Variants in DLGAP4 observed in about 807,000 individuals in gnomAD.
The protein encoded by DLGAP4 is DLG associated protein 4, also known as disks large-associated protein 4.
Under a neutral mutation model 86.9 loss-of-function variants are expected in DLGAP4, and 18 were observed. That is an observed-to-expected ratio of 0.21 (90% CI 0.14 to 0.31). DLGAP4 has a LOEUF of 0.31. DLGAP4 is among the 10% of genes least tolerant of loss of function. DLGAP4 has a pLI of 1.00. For synonymous variants in DLGAP4, 548 were observed against 574.3 expected, an observed-to-expected ratio of 0.95 and a Z score of 0.65; for missense variants, 1,085 against 1,362.6, an observed-to-expected ratio of 0.80 and a Z score of 3.21.
rs80050328 is a variant in DLGAP4 at position 36,449,734 on chromosome 20, C to A, written c.1648+2797C>A. Among the ~76,000 whole-genome samples, 624 of 152,314 alleles carry A rather than the reference C, an allele frequency of 4.1e-3. 7 individuals are homozygous for A. The highest frequency in any genetic ancestry group is 0.014 in the African/African-American group (573 of 41,570). On this transcript the variant is annotated intron_variant, in intron 7 of 12. Transcript: ENST00000339266. ...AACCATCCCTCACCAGTTTTTCCAACCCCAGTCACTCATGAATGGACTAAA... is the reference window on the plus strand; with the variant it reads ...AACCATCCCTCACCAGTTTTTCCAAACCCAGTCACTCATGAATGGACTAAA...
chr20:36,324,072 T>G (rs1600398485), intron 1 of DLGAP4, among the ~76,000 whole-genome samples: 1 of 152,242 alleles, frequency 6.6e-6, no homozygotes, highest in East Asian at 1.9e-4. Context: ...TGGTGTCATA[T>G]CTAAGAAACA....
intron 5 of DLGAP4, among the ~76,000 whole-genome samples, chr20:36,440,610 G>A (rs1360356308): frequency 6.6e-6 from 1 of 152,140 alleles, no homozygotes; most frequent in Non-Finnish European, 1.5e-5. Context: ...TCAGAGAGGT[G>A]AAGTCATCAT....
intron 2 of DLGAP4, among the ~76,000 whole-genome samples, chr20:36,396,464 CA>C: frequency 7.3e-6 from 1 of 137,052 alleles, no homozygotes; most frequent in Admixed American, 8.1e-5. Flanking sequence ...CATGCACACA[CA>C]CACATACACA....
chr20:36,407,841 G>T (rs2032370026), intron 2 of DLGAP4, among the ~76,000 whole-genome samples: 1 of 152,116 alleles, frequency 6.6e-6, no homozygotes, highest in African/African-American at 2.4e-5. Flanking sequence ...GCAGAAGTAG[G>T]CAGGGGCAGG....
chr20:36,495,183 C>T (rs2035837227), intron 7 of DLGAP4, among the ~76,000 whole-genome samples: 1 of 151,932 alleles, frequency 6.6e-6, no homozygotes, highest in South Asian at 2.1e-4. Context: ...TAAGAAAATG[C>T]CAATGTATTT....
chr20:36,417,072 C>A (rs2032675979), intron 2 of DLGAP4, among the ~76,000 whole-genome samples: 1 of 152,168 alleles, frequency 6.6e-6, no homozygotes, highest in Non-Finnish European at 1.5e-5. Context: ...AGGAGCCAAG[C>A]AGGATAATCA....
chr20:36,500,372 T>C lies in DLGAP4; in HGVS notation c.2273T>C (p.Ile758Thr). Residue 758 changes from isoleucine to threonine, a missense_variant, in exon 10 of 13, where the codon ATC becomes ACC. By Grantham distance (89) the Ile-to-Thr change is moderately conservative. Around this residue, in one of 2 missense-constraint regions of DLGAP4, gnomAD observed 1,082 missense variants for 1,344.1 expected, o/e 0.81. Coordinates refer to ENST00000339266, the MANE Select transcript of DLGAP4 (RefSeq NM_001365621.2). The surrounding 1 kb of genome is among the most constrained non-coding windows in gnomAD (Gnocchi z 4.6). ...GPRQAPKIAQ[I>T]KRNLSYGDNS... ...CGGCAGGCCCCCAAGATTGCCCAGATCAAGCGCAACCTCTCCTATGGAGAC... is the reference window on the plus strand; with the variant it reads ...CGGCAGGCCCCCAAGATTGCCCAGACCAAGCGCAACCTCTCCTATGGAGAC... 1 of 1,610,702 alleles carries C rather than the reference T, an allele frequency of 6.2e-7. No homozygotes were observed. Among genetic ancestry groups the C allele is most frequent in the Non-Finnish European group, 8.5e-7 (1 of 1,178,322 alleles).
At position 36,527,154 on chromosome 20, in the gene DLGAP4, C is replaced by G. The variant is rs2037822396; in HGVS notation, c.*123C>G. The G allele has an allele frequency of 2.8e-6, 3 of 1,057,452 alleles. No homozygotes were observed. The East Asian group carries it at 8.1e-5, about 28-fold the overall frequency. The allele number at this position is 1,057,452 out of a possible 1,614,324, so 65.5% of individuals were successfully genotyped here. A position where few individuals can be genotyped will look rare whatever the true frequency, so the allele number is the denominator to read the frequency against. The stretch of plus-strand genomic sequence containing the variant: ...TGTCTAGAGACCCTGAGCCAACTTT[C>G]AAATTGACGCATACAAGGGCTCACA... On this transcript the variant is annotated 3_prime_UTR_variant, in exon 13 of 13. Transcript: ENST00000339266.
chr20:36,366,031 C>G (rs969085875), intron 1 of DLGAP4, among the ~76,000 whole-genome samples: 1 of 152,150 alleles, frequency 6.6e-6, no homozygotes, highest in Non-Finnish European at 1.5e-5. Context: ...TCCAGGGCAG[C>G]CAAAAGGCTT....
At chr20:36,445,089 C>G (rs190953771) in intron 6 of DLGAP4, among the ~76,000 whole-genome samples, 4 of 152,232 alleles carry the variant, frequency 2.6e-5, no homozygotes, top group African/African-American at 7.2e-5. Context: ...TGCTACCACT[C>G]CTGGCTAATT....
intron 7 of DLGAP4, among the ~76,000 whole-genome samples, chr20:36,460,639 C>A (rs551884953): frequency 2.0e-5 from 3 of 152,286 alleles, no homozygotes; most frequent in Admixed American, 6.5e-5. Context: ...ACCACAGGTG[C>A]GGCCTGGAGA....
chr20:36,512,751 G>A (rs1388829018), intron 10 of DLGAP4: 2 of 152,252 alleles, frequency 1.3e-5, no homozygotes, highest in East Asian at 1.9e-4. Context: ...GAGGAAGTCT[G>A]TAGAGATCTG....
In DLGAP4 at chr20:36,396,351, A is replaced by G. The variant is rs796683066; in HGVS notation, c.-73+29076A>G. Reference sequence around the variant, plus strand: ...CACACACACACGCACACACACACACACATACCACACGCACATACACACACC... The same window carrying G: ...CACACACACACGCACACACACACACGCATACCACACGCACATACACACACC... On this transcript the variant is annotated intron_variant, in intron 2 of 12. Coordinates refer to ENST00000339266, the MANE Select transcript of DLGAP4 (RefSeq NM_001365621.2). Among the ~76,000 whole-genome samples, 4 of 56,414 alleles carry G rather than the reference A, an allele frequency of 7.1e-5. 1 individual carries two copies. The highest frequency in any genetic ancestry group is 1.4e-4 in the Non-Finnish European group (4 of 28,444). 37.0% of individuals were successfully genotyped at this position (56,414 alleles called of 152,430 possible).
intron 1 of DLGAP4, among the ~76,000 whole-genome samples, chr20:36,311,728 G>T (rs1424075418): frequency 1.3e-5 from 2 of 152,114 alleles, no homozygotes; most frequent in African/African-American, 4.8e-5. Context: ...GAGGAAACTG[G>T]GGCACAGAGA....
At chr20:36,426,875 G>C (rs2032987890) in intron 2 of DLGAP4, among the ~76,000 whole-genome samples, 1 of 152,032 alleles carries the variant, frequency 6.6e-6, no homozygotes, top group Admixed American at 6.6e-5. Flanking sequence ...GTTTGCTTTT[G>C]GGGTTATGAA....
intron 2 of DLGAP4, among the ~76,000 whole-genome samples, chr20:36,394,003 G>A (rs1286117911): frequency 6.6e-6 from 1 of 152,194 alleles, no homozygotes; most frequent in African/African-American, 2.4e-5. Flanking sequence ...TGCCGCACTG[G>A]CCTGCCTTCT....
intron 5 of DLGAP4, 62 bp from the exon 6 acceptor site, chr20:36,442,665 G>A: frequency 6.3e-7 from 1 of 1,588,678 alleles, no homozygotes; most frequent in Non-Finnish European, 8.6e-7. Context: ...AATTGACCCT[G>A]AATCCCCCAC....
rs1443252044 is a variant in DLGAP4 at position 36,350,403 on chromosome 20, GC to G, written c.-303-16638del. On this transcript the variant is annotated intron_variant, in intron 1 of 12. Transcript: ENST00000339266. The surrounding 1 kb of genome is among the most constrained non-coding windows in gnomAD (Gnocchi z 4.4). ...TATCCATCCACCTGGCCCTGAGGAG[GC>G]CCCTTCTCCATCCCCAGCACCTGCC... is the stretch of plus-strand genomic sequence containing the variant. Among the ~76,000 whole-genome samples, 1 of 152,176 alleles carries G rather than the reference GC, an allele frequency of 6.6e-6. No individual in the cohort carries two copies. Among genetic ancestry groups the G allele is most frequent in the Non-Finnish European group, 1.5e-5 (1 of 68,028 alleles).
intron 2 of DLGAP4, among the ~76,000 whole-genome samples, chr20:36,378,231 T>A (rs1283495612): frequency 1.3e-5 from 2 of 152,204 alleles, no homozygotes; most frequent in African/African-American, 4.8e-5. Flanking sequence ...GTCTCTGTGA[T>A]CTCAGGTGAC....
Sources: gnomAD v4.1 joint callset for allele counts (sites outside exome capture counted in the v4.1 genomes callset) on GRCh38, gnomAD v4.1.1 for gene constraint, gnomAD v4.1.1 regional missense constraint, Gnocchi (gnomAD v3.1) non-coding constraint, MANE v1.5 for transcripts, NCBI Gene and HGNC (gene_info 2026-07-23, HGNC 2026-07-21) for gene names.